MYRIP: variants seen among roughly 807,000 people sequenced by gnomAD.
MYRIP encodes rab effector MyRIP.
MYRIP carries 49 observed loss-of-function variants against 98.0 expected under a neutral mutation model. That is an observed-to-expected ratio of 0.50 (90% CI 0.40 to 0.63). The LOEUF is 0.63. Among genes scored for constraint, MYRIP ranks in the 30% least tolerant of loss-of-function variants. MYRIP has a pLI of 0.00. For synonymous variants in MYRIP, 404 were observed against 409.5 expected (o/e 0.99, Z 0.16); for missense variants, 1,004 against 1,058.2 (o/e 0.95, Z 0.71).
chr3:40,258,445 T>C lies in MYRIP; in HGVS notation c.*279T>C, dbSNP rs758238409. The C allele has an allele frequency of 1.9e-5, 8 of 411,268 alleles. No homozygotes were observed. The highest frequency in any genetic ancestry group is 3.1e-5 in the Non-Finnish European group (7 of 226,916). The allele number at this position is 411,268 out of a possible 1,614,324, so 25.5% of individuals were successfully genotyped here. A position where few individuals can be genotyped will look rare whatever the true frequency, so the allele number is the denominator to read the frequency against. On this transcript the variant is annotated 3_prime_UTR_variant, in exon 17 of 17. Coordinates refer to ENST00000302541, the MANE Select transcript of MYRIP (RefSeq NM_015460.4). ...CAACAGCAGCGCTCCATGTTTAAGATACATATTTTCCCTGTTTGCTTTGCT... is the reference window on the plus strand; with the variant it reads ...CAACAGCAGCGCTCCATGTTTAAGACACATATTTTCCCTGTTTGCTTTGCT...
intron 11 of MYRIP, among the ~76,000 whole-genome samples, chr3:40,228,482 C>T (rs911796291): frequency 6.6e-6 from 1 of 152,078 alleles, no homozygotes; most frequent in African/African-American, 2.4e-5. Flanking sequence ...GGTAAGGAGG[C>T]CCTTCACAAG....
chr3:40,108,213 G>GA (rs57511496), intron 3 of MYRIP, among the ~76,000 whole-genome samples: 86 of 144,736 alleles, frequency 5.9e-4, no homozygotes, highest in African/African-American at 2.2e-3. Context: ...GAGAGAGAGA[G>GA]GGTGAGTCGA....
Position 39,873,132 on chromosome 3 carries a change from T to C in MYRIP, c.-30-27655T>C, listed in dbSNP as rs149198439. ...CATATGTTTTTTGGCTGCATAAATATCTTCTTTTGAGAAGTGTCTGTTCAT... is the reference window on the plus strand; with the variant it reads ...CATATGTTTTTTGGCTGCATAAATACCTTCTTTTGAGAAGTGTCTGTTCAT... On this transcript the variant is annotated intron_variant, in intron 1 of 16. Coordinates refer to ENST00000302541, the MANE Select transcript of MYRIP (RefSeq NM_015460.4). Among the ~76,000 whole-genome samples the C allele has an allele frequency of 8.5e-3, 1,294 of 152,350 alleles. 11 individuals carry two copies. The highest frequency in any genetic ancestry group is 0.014 in the Non-Finnish European group (939 of 68,020).
chr3:40,239,255 G>A (rs1254850080), intron 12 of MYRIP, among the ~76,000 whole-genome samples: 4 of 150,980 alleles, frequency 2.6e-5, no homozygotes, highest in Non-Finnish European at 4.4e-5. Context: ...TTTTATGGCT[G>A]CATAGTATTC....
chr3:40,082,224 G>C (rs969207911), intron 3 of MYRIP, among the ~76,000 whole-genome samples: 1 of 152,204 alleles, frequency 6.6e-6, no homozygotes, highest in Admixed American at 6.5e-5. Context: ...ACTACCATGT[G>C]ATCAGCAATT....
Position 40,071,275 on chromosome 3 carries a change from T to A in MYRIP, c.332+27004T>A, listed in dbSNP as rs980025580. ...GTCAGAATGTGAGCCATCAGAGAGA[T>A]GGCTGGATCAGGGGATTCAGACAAT... is the stretch of plus-strand genomic sequence containing the variant. On this transcript the variant is annotated intron_variant, in intron 3 of 16. Coordinates refer to ENST00000302541, the MANE Select transcript of MYRIP (RefSeq NM_015460.4). 3.6e-6 allele frequency: 3 copies of A among 840,826 alleles called. No homozygotes were observed. The African/African-American group carries it at 5.5e-5, about 16-fold the overall frequency. The allele number at this position is 840,826 out of a possible 1,614,324, so 52.1% of individuals were successfully genotyped here. A position where few individuals can be genotyped will look rare whatever the true frequency, so the allele number is the denominator to read the frequency against.
Position 40,244,465 on chromosome 3 carries a change from C to A in MYRIP, c.2120C>A (p.Thr707Asn). ...LEENVYLAAGTVYGLETQLTE... is the reference protein window; with the variant it reads ...LEENVYLAAGNVYGLETQLTE... ...CTACAGGTATACCTGGCAGCAGGCA[C>A]TGTGTATGGACTGGAGACCCAGCTG... is the stretch of plus-strand genomic sequence containing the variant. Residue 707 changes from threonine (T) to asparagine (N), a missense_variant, in exon 13 of 17, where the codon ACT (threonine) becomes AAT (asparagine). Physicochemically the swap from Thr to Asn is moderately conservative, Grantham distance 65. This residue lies in a region of MYRIP where 880 missense variants were observed against 907.7 expected (regional missense o/e 0.97). Transcript: ENST00000302541. 2 of 1,612,906 alleles carry A rather than the reference C, an allele frequency of 1.2e-6. No individual in the cohort carries two copies. The highest frequency in any genetic ancestry group is 1.7e-6 in the Non-Finnish European group (2 of 1,179,398).
At chr3:40,021,910 T>G (rs566632611) in intron 2 of MYRIP, among the ~76,000 whole-genome samples, 58 of 152,320 alleles carry the variant, frequency 3.8e-4, no homozygotes, top group African/African-American at 1.2e-3. Context: ...TGAATATTAT[T>G]TTAGCTTTCC....
At chr3:40,240,370 G>A (rs966025582) in intron 12 of MYRIP, among the ~76,000 whole-genome samples, 9 of 152,258 alleles carry the variant, frequency 5.9e-5, no homozygotes, top group South Asian at 4.1e-4. Context: ...CTGCATTTCC[G>A]TCTGAGGTAC....
At chr3:39,987,361 T>C (rs1946056024) in intron 2 of MYRIP, among the ~76,000 whole-genome samples, 1 of 152,240 alleles carries the variant, frequency 6.6e-6, no homozygotes, top group African/African-American at 2.4e-5. Flanking sequence ...GGCTTCATAG[T>C]ATTCCATGGT....
At chr3:39,958,664 C>G (rs1945239499) in intron 2 of MYRIP, among the ~76,000 whole-genome samples, 2 of 152,076 alleles carry the variant, frequency 1.3e-5, no homozygotes, top group Non-Finnish European at 2.9e-5. Flanking sequence ...GCAACAAAAG[C>G]CAAAATTGAC....
At chr3:39,992,009 C>T (rs1946191783) in intron 2 of MYRIP, among the ~76,000 whole-genome samples, 2 of 152,214 alleles carry the variant, frequency 1.3e-5, no homozygotes, top group African/African-American at 4.8e-5. Flanking sequence ...CCACTTCCTC[C>T]AGTGTAGAAG....
intron 3 of MYRIP, among the ~76,000 whole-genome samples, chr3:40,098,766 G>GTT (rs1948882761): frequency 6.6e-6 from 1 of 151,250 alleles, no homozygotes; most frequent in Non-Finnish European, 1.5e-5. Flanking sequence ...GTGTGTGTGT[G>GTT]TGTGTGTGTG....
intron 3 of MYRIP, among the ~76,000 whole-genome samples, chr3:40,094,744 G>A (rs1319246596): frequency 6.6e-6 from 1 of 152,214 alleles, no homozygotes; most frequent in East Asian, 1.9e-4. Context: ...ATATTAGCTT[G>A]TGTAATTGAA....
chr3:40,195,802 T>G (rs983805498), intron 10 of MYRIP, among the ~76,000 whole-genome samples: 1 of 152,164 alleles, frequency 6.6e-6, no homozygotes. Context: ...GGGTTCCCTA[T>G]TTTATATTAT....
intron 1 of MYRIP, among the ~76,000 whole-genome samples, chr3:39,841,901 T>G (rs1361673923): frequency 6.6e-6 from 1 of 152,164 alleles, no homozygotes; most frequent in Non-Finnish European, 1.5e-5. Flanking sequence ...CAACCCCTGC[T>G]GGGAGGTGTC....
intron 2 of MYRIP, among the ~76,000 whole-genome samples, chr3:39,998,929 G>T (rs1391887766): frequency 2.0e-5 from 3 of 152,190 alleles, no homozygotes; most frequent in African/African-American, 7.2e-5. Context: ...AATGGGGAAA[G>T]GATTCCCTCT....
At chr3:39,891,973 T>C (rs1340116326) in intron 1 of MYRIP, among the ~76,000 whole-genome samples, 3 of 152,140 alleles carry the variant, frequency 2.0e-5, no homozygotes, top group South Asian at 2.1e-4. Flanking sequence ...TCTTTAGTTA[T>C]AGTACTTCAA....
intron 1 of MYRIP, among the ~76,000 whole-genome samples, chr3:39,819,604 A>G (rs1229212608): frequency 6.6e-6 from 1 of 152,220 alleles, no homozygotes; most frequent in Non-Finnish European, 1.5e-5. Flanking sequence ...GCAAAGTAAC[A>G]CTGTGATATT....
Sources: allele counts gnomAD v4.1 joint callset (sites outside exome capture counted in the v4.1 genomes callset), GRCh38; gene constraint gnomAD v4.1.1; regional missense constraint gnomAD v4.1.1; transcripts MANE v1.5; gene names NCBI Gene and HGNC (gene_info 2026-07-23, HGNC 2026-07-21).